Variants in SYNE1 observed in about 807,000 individuals in gnomAD.
The protein encoded by SYNE1 is nesprin-1.
In SYNE1, 616 loss-of-function variants were observed where a neutral mutation model predicts 1,111.0. The ratio of observed to expected loss-of-function variants is 0.55; its 90% CI spans 0.52 to 0.59. The LOEUF (loss-of-function observed/expected upper bound fraction) is 0.59. Among genes scored for constraint, SYNE1 ranks in the 20% least tolerant of loss-of-function variants. SYNE1 has a pLI of 0.00. For synonymous variants in SYNE1, 3,855 were observed against 3,825.8 expected (o/e 1.01, Z -0.28); for missense variants, 10,006 against 10,417.0 (o/e 0.96, Z 1.72).
intron 4 of SYNE1, among the ~76,000 whole-genome samples, chr6:152,531,650 C>T (rs1188721069): frequency 6.6e-6 from 1 of 152,152 alleles, no homozygotes; most frequent in Non-Finnish European, 1.5e-5. Context: ...CAACAACTAG[C>T]CATTCCCTCT....
chr6:152,168,658 G>A (rs2064296428), intron 130 of SYNE1, among the ~76,000 whole-genome samples: 1 of 152,218 alleles, frequency 6.6e-6, no homozygotes, highest in African/African-American at 2.4e-5. Flanking sequence ...GCAAATGGTA[G>A]TAGCAAAAGG....
At chr6:152,173,664 G>A (rs1412410436) in intron 130 of SYNE1, among the ~76,000 whole-genome samples, 1 of 152,126 alleles carries the variant, frequency 6.6e-6, no homozygotes, top group Non-Finnish European at 1.5e-5. Context: ...ACTCTAACAT[G>A]GTGTTAAACT....
At chr6:152,580,496 T>C (rs546362823) in intron 3 of SYNE1, among the ~76,000 whole-genome samples, 6 of 152,350 alleles carry the variant, frequency 3.9e-5, no homozygotes, top group Admixed American at 3.9e-4. Flanking sequence ...TCTTTTGCTA[T>C]GCAGAAGCTT....
chr6:152,232,967 T>C (rs1257287420), intron 112 of SYNE1, among the ~76,000 whole-genome samples: 1 of 152,204 alleles, frequency 6.6e-6, no homozygotes, highest in Non-Finnish European at 1.5e-5. Context: ...AGATTAGGCA[T>C]GTACACAAAA....
At chr6:152,289,190 C>T (rs904181158) in intron 95 of SYNE1, among the ~76,000 whole-genome samples, 3 of 152,002 alleles carry the variant, frequency 2.0e-5, no homozygotes, top group East Asian at 1.9e-4. Context: ...AGCAGCTACC[C>T]GACAATATAT....
intron 113 of SYNE1, 75 bp from the exon 114 acceptor site, chr6:152,231,642 G>A (rs1192948697): frequency 1.4e-5 from 21 of 1,459,644 alleles, no homozygotes; most frequent in Non-Finnish European, 1.9e-5. Context: ...AAAGCCTTAA[G>A]TAACCTTAAT....
At position 152,401,195 on chromosome 6, in the gene SYNE1, T is replaced by C; in HGVS notation, c.6972A>G (p.Glu2324=). ...TTTGGGCACAGTTCATCAACGATTC[T>C]TCCACTTTTGTGAACCATGTTGTTA... ...NDITTWFTKV[E]ESLMNCAQNE... is the part of the protein sequence containing the mutation. Residue 2324 remains glutamate (E), a synonymous_variant, in exon 47 of 146, where the codon GAA becomes GAG. Transcript: ENST00000367255. 6.2e-7 allele frequency: 1 copy of C among 1,614,192 alleles called. No homozygotes were observed. Among genetic ancestry groups the C allele is most frequent in the Non-Finnish European group, 8.5e-7 (1 of 1,180,018 alleles).
chr6:152,521,665 C>CA (rs1216054802), intron 5 of SYNE1, among the ~76,000 whole-genome samples: 2 of 152,158 alleles, frequency 1.3e-5, no homozygotes, highest in African/African-American at 4.8e-5. Flanking sequence ...GTTTCTTCTG[C>CA]AAAATGCCTT....
chr6:152,431,000 T>G (rs988758736), intron 34 of SYNE1, among the ~76,000 whole-genome samples: 22 of 152,164 alleles, frequency 1.4e-4, no homozygotes, highest in Non-Finnish European at 1.8e-4. Flanking sequence ...ACACTTACAG[T>G]ATCTCTGAAG....
chr6:152,265,753 C>T (rs1042590626), intron 100 of SYNE1, among the ~76,000 whole-genome samples: 7 of 152,022 alleles, frequency 4.6e-5, no homozygotes, highest in African/African-American at 1.7e-4. Context: ...AGTTGTTTTT[C>T]CTTAGTAATC....
intron 133 of SYNE1, among the ~76,000 whole-genome samples, chr6:152,152,417 A>G (rs1222036779): frequency 6.6e-6 from 1 of 152,212 alleles, no homozygotes; most frequent in Non-Finnish European, 1.5e-5. Flanking sequence ...AGACACACAC[A>G]CATACATACA....
chr6:152,409,621 T>C lies in SYNE1; in HGVS notation c.6319A>G (p.Ser2107Gly), dbSNP rs368938119. 28 of 1,613,840 alleles carry C rather than the reference T, an allele frequency of 1.7e-5. No homozygotes were observed. Among genetic ancestry groups the C allele is most frequent in the Non-Finnish European group, 2.3e-5 (27 of 1,179,970 alleles). ...AVSKVLENAS[S>G]VIVTRTTIKD... ...ATGGTAGTTCTGGTTACAATCACACTGCTGGCATTTTCTAAGACTTTAGAT... is the reference window on the plus strand; with the variant it reads ...ATGGTAGTTCTGGTTACAATCACACCGCTGGCATTTTCTAAGACTTTAGAT... Residue 2107 changes from serine (S) to glycine (G), a missense_variant, in exon 43 of 146, where the codon AGT becomes GGT. Ser to Gly is a moderately conservative substitution (Grantham distance 56). Coordinates refer to ENST00000367255, the MANE Select transcript of SYNE1 (RefSeq NM_182961.4).
At chr6:152,359,584 TC>T in intron 64 of SYNE1, 126 bp from the exon 65 acceptor site, 1 of 1,141,326 alleles carries the variant, frequency 8.8e-7, no homozygotes, top group African/African-American at 1.5e-5. Context: ...CGTCCACTCC[TC>T]CATCATTTTA....
At chr6:152,365,415 T>C (rs2097054459) in intron 62 of SYNE1, among the ~76,000 whole-genome samples, 1 of 152,224 alleles carries the variant, frequency 6.6e-6, no homozygotes, top group African/African-American at 2.4e-5. Context: ...ATATATTTCA[T>C]GTTCTTCATA....
chr6:152,303,176 G>A (rs758555508), intron 91 of SYNE1, among the ~76,000 whole-genome samples: 5 of 147,536 alleles, frequency 3.4e-5, no homozygotes, highest in East Asian at 2.0e-4. Context: ...TTTGTGGGCC[G>A]GGTGCAGTGG....
At chr6:152,228,805 A>G (rs1439610232) in intron 115 of SYNE1, among the ~76,000 whole-genome samples, 1 of 152,164 alleles carries the variant, frequency 6.6e-6, no homozygotes. Flanking sequence ...TTTTGAATTT[A>G]TGGCCTAAAT....
chr6:152,396,669 A>T, intron 50 of SYNE1, 106 bp downstream of exon 50: 1 of 1,076,224 alleles, frequency 9.3e-7, no homozygotes, highest in South Asian at 1.3e-5. Context: ...TATAATTTAA[A>T]CTCACAGTGT....
chr6:152,382,232 G>A (rs1447323186), intron 55 of SYNE1, among the ~76,000 whole-genome samples: 3 of 152,008 alleles, frequency 2.0e-5, no homozygotes. Context: ...GCAGGATTTT[G>A]TTAATATTAT....
chr6:152,470,008 G>C (rs2098796533), intron 16 of SYNE1, among the ~76,000 whole-genome samples: 1 of 152,126 alleles, frequency 6.6e-6, no homozygotes, highest in Non-Finnish European at 1.5e-5. Flanking sequence ...AAACACGAGT[G>C]ATAAGTAGGT....
Sources: allele counts gnomAD v4.1 joint callset (sites outside exome capture counted in the v4.1 genomes callset), GRCh38; gene constraint gnomAD v4.1.1; transcripts MANE v1.5; gene names NCBI Gene and HGNC (gene_info 2026-07-23, HGNC 2026-07-21).